AKAP19: variants seen among roughly 807,000 people sequenced by gnomAD.
The protein encoded by AKAP19 is A-kinase anchoring protein 19.
chr2:189,976,344 G>T, the AKAP19 span, among the ~76,000 whole-genome samples: 1 of 152,182 alleles, frequency 6.6e-6, no homozygotes, highest in Non-Finnish European at 1.5e-5. Flanking sequence ...TGAAAGCTTC[G>T]TCTCAGGGGG....
the AKAP19 span, among the ~76,000 whole-genome samples, chr2:190,171,662 A>T: frequency 6.6e-6 from 1 of 152,084 alleles, no homozygotes; most frequent in Non-Finnish European, 1.5e-5. Context: ...GCCAGAAAAA[A>T]TTTCATATTA....
the AKAP19 span, among the ~76,000 whole-genome samples, chr2:189,994,065 C>T: frequency 1.3e-5 from 2 of 149,682 alleles, no homozygotes; most frequent in East Asian, 2.0e-4. Context: ...GGCTGGAGTG[C>T]ACTGGCGCGA....
chr2:190,012,855 T>C, the AKAP19 span, among the ~76,000 whole-genome samples: 1 of 152,224 alleles, frequency 6.6e-6, no homozygotes, highest in Non-Finnish European at 1.5e-5. Flanking sequence ...TTTCTGCATC[T>C]AGTGAGATAA....
chr2:190,075,737 G>T, the AKAP19 span, among the ~76,000 whole-genome samples: 8 of 151,950 alleles, frequency 5.3e-5, no homozygotes, highest in Admixed American at 1.3e-4. Context: ...TTTTTAAAGT[G>T]GTTTTTTTGG....
At chr2:190,169,973 T>C in the AKAP19 span, among the ~76,000 whole-genome samples, 26 of 152,268 alleles carry the variant, frequency 1.7e-4, no homozygotes, top group African/African-American at 6.0e-4. Flanking sequence ...ATTTTTGCCA[T>C]TAAAAGTAAT....
At chr2:190,175,000 T>TACATAGAG in the AKAP19 span, among the ~76,000 whole-genome samples, 978 of 65,276 alleles carry the variant, frequency 0.015, 3 homozygotes, top group South Asian at 0.033. Context: ...GATACATAGA[T>TACATAGAG]TACATGGAGT....
At chr2:190,017,998 G>T in the AKAP19 span, among the ~76,000 whole-genome samples, 1 of 152,122 alleles carries the variant, frequency 6.6e-6, no homozygotes, top group African/African-American at 2.4e-5. Flanking sequence ...TAAGGTTTCT[G>T]CTGAGAAATC....
the AKAP19 span, among the ~76,000 whole-genome samples, chr2:189,922,653 A>C: frequency 2.0e-5 from 3 of 152,242 alleles, no homozygotes; most frequent in Non-Finnish European, 4.4e-5. Context: ...ACAAGTCAAC[A>C]TCCTGCCTTC....
chr2:190,197,259 A>ACTACTGATTC, the AKAP19 span, among the ~76,000 whole-genome samples: 1 of 152,198 alleles, frequency 6.6e-6, no homozygotes. The surrounding 1 kb of genome is among the most constrained non-coding windows in gnomAD (Gnocchi z 4.0). Context: ...TTTAGGGTAT[A>ACTACTGATTC]CTACTGATTC....
chr2:189,911,286 T>C, the AKAP19 span, among the ~76,000 whole-genome samples: 1 of 152,132 alleles, frequency 6.6e-6, no homozygotes, highest in Non-Finnish European at 1.5e-5. Flanking sequence ...GAACATATGG[T>C]TATAATTATG....
At chr2:190,153,249 A>G in the AKAP19 span, among the ~76,000 whole-genome samples, 1 of 152,116 alleles carries the variant, frequency 6.6e-6, no homozygotes, top group African/African-American at 2.4e-5. Context: ...ATTAATTTCT[A>G]TGTATTAATA....
At chr2:190,047,263 T>C in the AKAP19 span, among the ~76,000 whole-genome samples, 2 of 152,192 alleles carry the variant, frequency 1.3e-5, no homozygotes, top group African/African-American at 2.4e-5. Context: ...GTGTGTGTGT[T>C]TGTTGCTTTG....
the AKAP19 span, among the ~76,000 whole-genome samples, chr2:189,993,160 A>G: frequency 6.6e-6 from 1 of 152,174 alleles, no homozygotes. Context: ...GGTTTTTCAT[A>G]GATAGCTTTT....
the AKAP19 span, among the ~76,000 whole-genome samples, chr2:190,073,734 T>G: frequency 6.6e-6 from 1 of 151,882 alleles, no homozygotes; most frequent in Non-Finnish European, 1.5e-5. Flanking sequence ...GGTTGTACAT[T>G]ACAATCACTT....
the AKAP19 span, among the ~76,000 whole-genome samples, chr2:190,144,178 AAAG>A: frequency 3.5e-5 from 1 of 28,328 alleles, no homozygotes; most frequent in Admixed American, 5.5e-4. Context: ...TAATAAAAGA[AAAG>A]AAAAGAAAAA....
At chr2:190,115,711 A>G in the AKAP19 span, among the ~76,000 whole-genome samples, 28,043 of 152,004 alleles carry the variant, frequency 0.18, 2,686 homozygotes, top group Admixed American at 0.24. Context: ...TCCCTCCACT[A>G]GAGACACTGT....
the AKAP19 span, chr2:189,917,267 G>C: frequency 4.4e-6 from 6 of 1,350,346 alleles, no homozygotes; most frequent in African/African-American, 1.5e-5. Flanking sequence ...TTCGCTGTCT[G>C]AGCAAATCAG....
At chr2:190,009,178 A>G in the AKAP19 span, among the ~76,000 whole-genome samples, 3 of 152,208 alleles carry the variant, frequency 2.0e-5, no homozygotes, top group Admixed American at 1.3e-4. Context: ...GGACCAGAAC[A>G]TGTAAGGCCT....
the AKAP19 span, among the ~76,000 whole-genome samples, chr2:189,969,824 CTCTTCTCTTTTTCTCTT>C: frequency 4.2e-5 from 6 of 144,072 alleles, no homozygotes; most frequent in East Asian, 4.2e-4. Flanking sequence ...CCTTCCTCTT[CTCTTCTCTTTTTCTCTT>C]TCTTCTCTTT....
Sources: gnomAD v4.1 joint callset for allele counts (sites outside exome capture counted in the v4.1 genomes callset) on GRCh38, gnomAD v4.1.1 for gene constraint, Gnocchi (gnomAD v3.1) non-coding constraint, MANE v1.5 for transcripts, NCBI Gene and HGNC (gene_info 2026-07-23, HGNC 2026-07-21) for gene names.